LAMA5: variants seen among roughly 807,000 people sequenced by gnomAD.
LAMA5 encodes the protein laminin subunit alpha-5.
A neutral mutation model predicts 433.4 loss-of-function variants in LAMA5; 260 were observed. The observed-to-expected ratio is 0.60, with a 90% CI of 0.54 to 0.66. The LOEUF (loss-of-function observed/expected upper bound fraction) is 0.66. LAMA5 is among the 30% of genes least tolerant of loss of function. The pLI, the probability that LAMA5 is intolerant of heterozygous loss-of-function variation, is 0.00. For synonymous variants in LAMA5, 2,620 were observed against 2,226.6 expected (o/e 1.18, Z -4.97); for missense variants, 5,378 against 5,258.5 (o/e 1.02, Z -0.70).
chr20:62,315,102 T>C lies in LAMA5; in HGVS notation c.7973A>G (p.Glu2658Gly), dbSNP rs1479419200. ...SQLQAMQENVERWQGQYEGLR... is the reference protein window; with the variant it reads ...SQLQAMQENVGRWQGQYEGLR... ...GCCCTCGTACTGGCCCTGCCACCGC[T>C]CCACATTCTCCTGCATGGCCTGCAG... Residue 2658 changes from glutamate (E) to glycine (G), a missense_variant, in exon 59 of 80, where the codon GAG (glutamate) becomes GGG (glycine). Glu to Gly is a moderately conservative substitution (Grantham distance 98). Coordinates refer to ENST00000252999, the MANE Select transcript of LAMA5 (RefSeq NM_005560.6). The C allele has an allele frequency of 2.5e-6, 4 of 1,606,646 alleles. No homozygotes were observed. The highest frequency in any genetic ancestry group is 3.4e-6 in the Non-Finnish European group (4 of 1,179,682).
At chr20:62,309,643 G>GGGGTGGGAGGGGGTGGGGGGT in intron 79 of LAMA5, 73 bp downstream of exon 79, 8 of 1,099,734 alleles carry the variant, frequency 7.3e-6, no homozygotes, top group Non-Finnish European at 9.7e-6. Flanking sequence ...GAGGGGTGGG[G>GGGGTGGGAGGGGGTGGGGGGT]GGAGGGTGGT....
intron 11 of LAMA5, among the ~76,000 whole-genome samples, chr20:62,342,533 G>C (rs6143031): frequency 6.6e-6 from 1 of 151,526 alleles, no homozygotes; most frequent in East Asian, 1.9e-4. Flanking sequence ...AAAAAAATTA[G>C]CCGGGCGTGG....
At chr20:62,341,187 C>A (rs1389018344) in intron 11 of LAMA5, among the ~76,000 whole-genome samples, 1 of 152,122 alleles carries the variant, frequency 6.6e-6, no homozygotes, top group Non-Finnish European at 1.5e-5. Flanking sequence ...AACCACGATG[C>A]AGCAAAACCA....
intron 53 of LAMA5, 78 bp from the exon 54 acceptor site, chr20:62,317,856 C>G: frequency 6.7e-6 from 2 of 298,466 alleles, no homozygotes; most frequent in East Asian, 1.0e-4. Flanking sequence ...GACAGCAGGG[C>G]AGGGAAGGGA....
At position 62,342,498 on chromosome 20, in the gene LAMA5, G is replaced by A. The variant is rs532759611; in HGVS notation, c.1477+3320C>T. Among the ~76,000 whole-genome samples, 15 of 152,048 alleles carry A rather than the reference G, an allele frequency of 9.9e-5. No individual in the cohort carries two copies. The South Asian group carries it at 3.1e-3, about 32-fold the overall frequency. ...CGAGACCATCCTGCTTTAACACGGT[G>A]AAACCCCATCTCTACTAAAAGTACA... On this transcript the variant is annotated intron_variant, in intron 11 of 79. Transcript: ENST00000252999.
rs984576301 is a variant in LAMA5, at chr20:62,334,531, G to A, written c.2573C>T (p.Thr858Ile). The A allele has an allele frequency of 1.9e-6, 3 of 1,548,360 alleles. No homozygotes were observed. Among genetic ancestry groups the A allele is most frequent in the African/African-American group, 1.4e-5 (1 of 73,132 alleles). ...CRCRPNTQGP[T>I]CSEPARDHYL... ...GGGAAGGGGTACCCACTCGCTGCAG[G>A]TGGGGCCCTGGGTGTTGGGGCGGCA... Residue 858 changes from threonine to isoleucine, a missense_variant, in exon 21 of 80, where the codon ACC (threonine) becomes ATC (isoleucine). Transcript: ENST00000252999.
Position 62,311,919 on chromosome 20 carries a change from C to T in LAMA5, c.9635+1G>A. On this transcript the variant is annotated splice_donor_variant, in intron 70 of 79. Coordinates refer to ENST00000252999, the MANE Select transcript of LAMA5 (RefSeq NM_005560.6). LOFTEE classifies it high-confidence loss of function. ...GATGAGGGCCCAGCGGCCAGGCTCA[C>T]CCCGTGGCATTGCTGTAGAAGGCGA... is the stretch of plus-strand genomic sequence containing the variant. The T allele has an allele frequency of 6.2e-7, 1 of 1,609,394 alleles. No homozygotes were observed. The highest frequency in any genetic ancestry group is 8.5e-7 in the Non-Finnish European group (1 of 1,178,024).
In LAMA5 at chr20:62,337,702, G is replaced by A; in HGVS notation, c.2052C>T (p.Ser684=). 1.9e-6 allele frequency: 3 copies of A among 1,611,262 alleles called. No homozygotes were observed. Among genetic ancestry groups the A allele is most frequent in the Admixed American group, 3.3e-5 (2 of 59,922 alleles). ...CVPCHCSAEG[S]LHAACDPRSG... ...TCCGGGGGTCACAGGCTGCGTGCAG[G>A]GAGCCTTCAGCAGAGCAGTGGCAGG... Residue 684 remains serine, a synonymous_variant, in exon 16 of 80, where the codon TCC becomes TCT. Coordinates refer to ENST00000252999, the MANE Select transcript of LAMA5 (RefSeq NM_005560.6).
At position 62,359,641 on chromosome 20, in the gene LAMA5, C is replaced by T. The variant is rs1985738942; in HGVS notation, c.450+2759G>A. 6.6e-6 allele frequency among the ~76,000 whole-genome samples: 1 copy of T among 152,080 alleles called. No individual in the cohort carries two copies. The highest frequency in any genetic ancestry group is 2.1e-4 in the South Asian group (1 of 4,826). ...GGTCACGTCTGGAACTCGGAAACTGCCCCCTGAGTCACCAGTGACCAGCGC... is the reference window on the plus strand; with the variant it reads ...GGTCACGTCTGGAACTCGGAAACTGTCCCCTGAGTCACCAGTGACCAGCGC... On this transcript the variant is annotated intron_variant, in intron 2 of 79. Coordinates refer to ENST00000252999, the MANE Select transcript of LAMA5 (RefSeq NM_005560.6). The surrounding 1 kb of genome is among the most constrained non-coding windows in gnomAD (Gnocchi z 4.3).
intron 11 of LAMA5, chr20:62,345,478 C>T (rs1983217811): frequency 4.6e-6 from 2 of 431,090 alleles, no homozygotes; most frequent in African/African-American, 4.0e-5. Context: ...GTGATCATGG[C>T]TCACTGCAGC....
At position 62,310,653 on chromosome 20, in the gene LAMA5, G is replaced by T. The variant is rs766146590; in HGVS notation, c.10446+12C>A. 3 of 1,600,476 alleles carry T rather than the reference G, an allele frequency of 1.9e-6. No individual in the cohort carries two copies. Among genetic ancestry groups the T allele is most frequent in the Non-Finnish European group, 2.5e-6 (3 of 1,177,668 alleles). ...GGGTGGGGAGTGGGGGCTGGGGCAA[G>T]ATGGTTCTCACCGGAAGTTTGGAGC... is the stretch of plus-strand genomic sequence containing the variant. On this transcript the variant is annotated intron_variant, in intron 75 of 79. Coordinates refer to ENST00000252999, the MANE Select transcript of LAMA5 (RefSeq NM_005560.6).
At chr20:62,361,305 C>A (rs1174206161) in intron 2 of LAMA5, among the ~76,000 whole-genome samples, 1 of 152,054 alleles carries the variant, frequency 6.6e-6, no homozygotes, top group African/African-American at 2.4e-5. Flanking sequence ...CCAGGACAGG[C>A]AACCCCTCCC....
At chr20:62,336,302 A>C in intron 18 of LAMA5, 38 bp downstream of exon 18, 1 of 1,443,248 alleles carries the variant, frequency 6.9e-7, no homozygotes, top group Non-Finnish European at 9.5e-7. Context: ...CAGTTCCCCA[A>C]GGAACCCCTG....
At position 62,320,866 on chromosome 20, in the gene LAMA5, A is replaced by G. The variant is rs755942267; in HGVS notation, c.6521T>C (p.Leu2174Pro). ...CEVCDHCVVLLLDDLERAGAL... is the reference protein window; with the variant it reads ...CEVCDHCVVLPLDDLERAGAL... ...GCCGGCCCGTTCCAGGTCATCCAGG[A>G]GCAGGACCACACAGTGGTCACACAC... is the stretch of plus-strand genomic sequence containing the variant. Residue 2174 changes from leucine to proline, a missense_variant, in exon 49 of 80, where the codon CTC becomes CCC. By Grantham distance (98) the Leu-to-Pro change is moderately conservative (BLOSUM62 -3). Coordinates refer to ENST00000252999, the MANE Select transcript of LAMA5 (RefSeq NM_005560.6). 5.0e-6 allele frequency: 8 copies of G among 1,611,806 alleles called. No homozygotes were observed. The highest frequency in any genetic ancestry group is 3.3e-5 in the Admixed American group (2 of 59,852).
Position 62,318,533 on chromosome 20 carries a change from G to C in LAMA5, c.7160C>G (p.Ala2387Gly), listed in dbSNP as rs371451247. The part of the protein sequence containing the change: ...HEAGLMDLRE[A>G]LNRAVDATRE... The stretch of plus-strand genomic sequence containing the variant: ...TGTGGCGTCCACTGCCCGGTTCAAA[G>C]CCTCTCGCAGGTCCATGAGGCCGGC... Residue 2387 changes from alanine to glycine, a missense_variant, in exon 53 of 80, where the codon GCT becomes GGT. Physicochemically the swap from Ala to Gly is moderately conservative, Grantham distance 60. Transcript: ENST00000252999. 1.9e-6 allele frequency: 3 copies of C among 1,609,774 alleles called. No homozygotes were observed. The highest frequency in any genetic ancestry group is 2.2e-5 in the East Asian group (1 of 44,770).
In LAMA5 at chr20:62,333,939, G is replaced by C. The variant is rs1320909664; in HGVS notation, c.2840C>G (p.Ser947Cys). Residue 947 changes from serine (S) to cysteine (C), a missense_variant, in exon 23 of 80, where the codon TCT becomes TGT. Transcript: ENST00000252999. ...GGCCGACCTGCCCTCCTCTCGCACA[G>C]AGACCCGCCCGCTCACACTCATGGC... is the stretch of plus-strand genomic sequence containing the variant. ...RGAMSVSGRV[S>C]VREEGRSATC... The C allele has an allele frequency of 6.2e-7, 1 of 1,611,758 alleles. No individual in the cohort carries two copies. Among genetic ancestry groups the C allele is most frequent in the Non-Finnish European group, 8.5e-7 (1 of 1,179,378 alleles).
intron 6 of LAMA5, among the ~76,000 whole-genome samples, chr20:62,347,552 T>C (rs1186732120): frequency 2.0e-5 from 3 of 152,230 alleles, no homozygotes; most frequent in Non-Finnish European, 1.5e-5. Flanking sequence ...CTAGGCATCC[T>C]GGTCACCTCC....
At position 62,318,547 on chromosome 20, in the gene LAMA5, C is replaced by A. The variant is rs770735145; in HGVS notation, c.7146G>T (p.Met2382Ile). ...DRLAQHEAGL[M>I]DLREALNRAV... The stretch of plus-strand genomic sequence containing the variant: ...CCCGGTTCAAAGCCTCTCGCAGGTC[C>A]ATGAGGCCGGCCTCGTGCTGGGCCA... Residue 2382 changes from methionine to isoleucine, a missense_variant, in exon 53 of 80, where the codon ATG becomes ATT. Physicochemically the swap from Met to Ile is conservative, Grantham distance 10. Transcript: ENST00000252999. 7.3e-5 allele frequency: 118 copies of A among 1,610,086 alleles called. No homozygotes were observed. The Middle Eastern group carries it at 9.9e-4, about 13-fold the overall frequency.
Position 62,346,502 on chromosome 20 carries a change from T to C in LAMA5, c.1282+4A>G. The C allele has an allele frequency of 6.4e-7, 1 of 1,550,502 alleles. No homozygotes were observed. Among genetic ancestry groups the C allele is most frequent in the Non-Finnish European group, 8.7e-7 (1 of 1,146,598 alleles). ...AGGACACCCGCCCAGCTGAGCCCACTCACGGCGGCAGACGTGGGGCGAGTC... is the reference window on the plus strand; with the variant it reads ...AGGACACCCGCCCAGCTGAGCCCACCCACGGCGGCAGACGTGGGGCGAGTC... On this transcript the variant is annotated splice_donor_region_variant and intron_variant, in intron 9 of 79. Coordinates refer to ENST00000252999, the MANE Select transcript of LAMA5 (RefSeq NM_005560.6).
Sources: allele counts gnomAD v4.1 joint callset (sites outside exome capture counted in the v4.1 genomes callset), GRCh38; gene constraint gnomAD v4.1.1; non-coding constraint Gnocchi (gnomAD v3.1); transcripts MANE v1.5; gene names NCBI Gene and HGNC (gene_info 2026-07-23, HGNC 2026-07-21).